The following PLPP5 variants were observed in gnomAD, a reference collection of about 807,000 sequenced individuals.
PLPP5 encodes diacylglycerol pyrophosphate like 1.
Under a neutral mutation model 23.6 loss-of-function variants are expected in PLPP5, and 29 were observed. The ratio of observed to expected loss-of-function variants is 1.23; its 90% CI spans 0.92 to 1.68. PLPP5 has a LOEUF of 1.68. Among genes scored for constraint, PLPP5 ranks in the 40% most tolerant of loss-of-function variants. The pLI is 0.00. For synonymous variants in PLPP5, 143 were observed against 131.3 expected, an observed-to-expected ratio of 1.09 and a Z score of -0.61; for missense variants, 315 against 332.1, an observed-to-expected ratio of 0.95 and a Z score of 0.40.
intron 5 of PLPP5, 65 bp from the exon 6 acceptor site, chr8:38,266,376 T>C: frequency 7.3e-7 from 1 of 1,361,570 alleles, no homozygotes; most frequent in Non-Finnish European, 1.0e-6. Context: ...CATCCCCACA[T>C]AGGAGGCTAG....
At position 38,268,352 on chromosome 8, in the gene PLPP5, C is replaced by T. The variant is rs1180291300; in HGVS notation, c.274+19G>A. On this transcript the variant is annotated intron_variant, in intron 3 of 6. Coordinates refer to ENST00000424479, the MANE Select transcript of PLPP5 (RefSeq NM_001102559.2). The stretch of plus-strand genomic sequence containing the variant: ...GGTTCCCAGCACGAAGAAACCGGCC[C>T]GAAAGGGCTAGCGCTCACCCAGGCA... The T allele has an allele frequency of 1.9e-6, 3 of 1,553,910 alleles. No individual in the cohort carries two copies. Among genetic ancestry groups the T allele is most frequent in the Non-Finnish European group, 1.7e-6 (2 of 1,148,070 alleles).
rs1383976582 is a variant in PLPP5 at position 38,263,398 on chromosome 8, T to C, written c.*1046A>G. The C allele has an allele frequency of 1.0e-6, 1 of 985,368 alleles. No homozygotes were observed. The highest frequency in any genetic ancestry group is 6.1e-5 in the Admixed American group (1 of 16,276). The allele number at this position is 985,368 out of a possible 1,614,324, so 61.0% of individuals were successfully genotyped here. ...AGTCACTTGGCAGTGTTGGTGCATT[T>C]GAGCAGATCTTCAGTCATGAATGGA... On this transcript the variant is annotated 3_prime_UTR_variant, in exon 7 of 7. Coordinates refer to ENST00000424479, the MANE Select transcript of PLPP5 (RefSeq NM_001102559.2).
At position 38,264,434 on chromosome 8, in the gene PLPP5, G is replaced by C. The variant is rs1474802085; in HGVS notation, c.*10C>G. 6.5e-7 allele frequency: 1 copy of C among 1,541,314 alleles called. No individual in the cohort carries two copies. The highest frequency in any genetic ancestry group is 1.4e-5 in the African/African-American group (1 of 72,852). ...AGGCATGAGCCACCACGCCCGGCCAGATTCAATTTTTAAATATCAAAACAA... is the reference window on the plus strand; with the variant it reads ...AGGCATGAGCCACCACGCCCGGCCACATTCAATTTTTAAATATCAAAACAA... On this transcript the variant is annotated 3_prime_UTR_variant, in exon 7 of 7. Transcript: ENST00000424479.
intron 2 of PLPP5, 118 bp downstream of exon 2, chr8:38,268,764 C>A: frequency 7.0e-7 from 1 of 1,437,648 alleles, no homozygotes; most frequent in Non-Finnish European, 9.1e-7. Context: ...GAACCCAGCG[C>A]ACAGCAGCGG....
At chr8:38,265,967 CTT>C (rs1807523052) in intron 6 of PLPP5, among the ~76,000 whole-genome samples, 172 bp downstream of exon 6, 1 of 152,092 alleles carries the variant, frequency 6.6e-6, no homozygotes, top group Non-Finnish European at 1.5e-5. Context: ...TTGGTAAACT[CTT>C]TTTGTCTTAT....
At chr8:38,268,114 T>G (rs1344261832) in intron 3 of PLPP5, 154 bp from the exon 4 acceptor site, 1 of 1,457,338 alleles carries the variant, frequency 6.9e-7, no homozygotes, top group East Asian at 2.5e-5. Context: ...ATCACTCTTT[T>G]GTAGCCGAGA....
chr8:38,266,375 A>G (rs1807590503), intron 5 of PLPP5, 64 bp from the exon 6 acceptor site: 3 of 1,393,390 alleles, frequency 2.2e-6, no homozygotes, highest in Non-Finnish European at 3.0e-6. Flanking sequence ...TCATCCCCAC[A>G]TAGGAGGCTA....
At position 38,265,203 on chromosome 8, in the gene PLPP5, T is replaced by C. The variant is rs1585797752; in HGVS notation, c.635-599A>G. On this transcript the variant is annotated intron_variant, in intron 6 of 6. Coordinates refer to ENST00000424479, the MANE Select transcript of PLPP5 (RefSeq NM_001102559.2). ...CTTGCTTGAACCCAGGAGGTGGAGG[T>C]TGCAGTGAGCCGAGATGGTGCCACT... The C allele has an allele frequency of 2.0e-5, 8 of 394,912 alleles. No individual in the cohort carries two copies. The East Asian group carries it at 3.4e-4, about 17-fold the overall frequency. The allele number at this position is 394,912 out of a possible 1,614,324, so 24.5% of individuals were successfully genotyped here.
At chr8:38,268,255 T>G in intron 3 of PLPP5, 116 bp downstream of exon 3, 1 of 1,107,394 alleles carries the variant, frequency 9.0e-7, no homozygotes, top group Non-Finnish European at 1.3e-6. Context: ...GGGGATAGAG[T>G]TCCTTTAGGA....
chr8:38,267,930 A>ACGCCATT lies in PLPP5; in HGVS notation c.298_304dup (p.Val102GlufsTer26). On this transcript the variant is annotated frameshift_variant, in exon 4 of 7. Transcript: ENST00000424479. LOFTEE classifies it high-confidence loss of function. Reference sequence around the variant, plus strand: ...GATCAGTTTTATTGTGTTGGTAAAGACGCCATTCAGAGCCAGGGCAAGGCT... The same window carrying ACGCCATT: ...GATCAGTTTTATTGTGTTGGTAAAGACGCCATTCGCCATTCAGAGCCAGGGCAAGGCT... 1 of 1,613,996 alleles carries ACGCCATT rather than the reference A, an allele frequency of 6.2e-7. No homozygotes were observed. The highest frequency in any genetic ancestry group is 8.5e-7 in the Non-Finnish European group (1 of 1,179,904).
intron 2 of PLPP5, 175 bp downstream of exon 2, chr8:38,268,707 C>T (rs1808136870): frequency 1.4e-6 from 2 of 1,432,604 alleles, no homozygotes; most frequent in African/African-American, 1.4e-5. Context: ...GGCTCGGACA[C>T]CCTCCTCTCT....
intron 2 of PLPP5, 103 bp downstream of exon 2, chr8:38,268,779 G>A: frequency 1.4e-6 from 2 of 1,441,320 alleles, no homozygotes; most frequent in Non-Finnish European, 1.8e-6. Flanking sequence ...CAGCGGAGTG[G>A]GCAGTGGGTC....
At position 38,269,119 on chromosome 8, in the gene PLPP5, T is replaced by A. The variant is rs931157068; in HGVS notation, c.74+7A>T. On this transcript the variant is annotated splice_region_variant and intron_variant, in intron 1 of 6. Transcript: ENST00000424479. ...GCCGCCCGGGCCCGGCCGTGGATCT[T>A]TCTTACAGGAAGGCCGCGAACAGCG... The A allele has an allele frequency of 2.0e-6, 3 of 1,524,482 alleles. No individual in the cohort carries two copies. Among genetic ancestry groups the A allele is most frequent in the Non-Finnish European group, 2.6e-6 (3 of 1,141,658 alleles). 94.4% of individuals were successfully genotyped at this position (1,524,482 alleles called of 1,614,324 possible).
chr8:38,267,701 G>T, intron 4 of PLPP5, 196 bp downstream of exon 4: 1 of 656,766 alleles, frequency 1.5e-6, no homozygotes, highest in Non-Finnish European at 2.6e-6. Flanking sequence ...ATGCTGTTCA[G>T]GCAGAAAAGA....
In PLPP5 at chr8:38,269,117, CTT is replaced by C. The variant is rs770861235; in HGVS notation, c.74+7_74+8del. 7 of 1,525,074 alleles carry C rather than the reference CTT, an allele frequency of 4.6e-6. No homozygotes were observed. In the South Asian group the frequency reaches 8.4e-5, roughly 18 times the overall value. The allele number at this position is 1,525,074 out of a possible 1,614,324, so 94.5% of individuals were successfully genotyped here. ...GGGCCGCCCGGGCCCGGCCGTGGAT[CTT>C]TCTTACAGGAAGGCCGCGAACAGCG... On this transcript the variant is annotated splice_region_variant and intron_variant, in intron 1 of 6. Coordinates refer to ENST00000424479, the MANE Select transcript of PLPP5 (RefSeq NM_001102559.2).
chr8:38,268,275 T>A, intron 3 of PLPP5, 96 bp downstream of exon 3: 1 of 1,190,740 alleles, frequency 8.4e-7, no homozygotes, highest in Non-Finnish European at 1.2e-6. Context: ...AATGCAGAAC[T>A]CAGTGGCCTC....
rs1188702769 is a variant in PLPP5, at chr8:38,264,548, ACTG to A, written c.688_690del (p.Gln230del). ...TCTGCATCAGTCAGAGGAGGATAAT[ACTG>A]CCGATAGCAGACATAGGCAAATGTC... On this transcript the variant is annotated inframe_deletion, in exon 7 of 7. Transcript: ENST00000424479. The A allele has an allele frequency of 6.3e-7, 1 of 1,577,844 alleles. No individual in the cohort carries two copies. The highest frequency in any genetic ancestry group is 8.6e-7 in the Non-Finnish European group (1 of 1,160,860).
chr8:38,263,603 AG>A lies in PLPP5; in HGVS notation c.*840del. On this transcript the variant is annotated 3_prime_UTR_variant, in exon 7 of 7. Coordinates refer to ENST00000424479, the MANE Select transcript of PLPP5 (RefSeq NM_001102559.2). ...ACAGCAGTACCAGATGGCTGGACTC[AG>A]ATAAGATGCACACAAAAGTGATAAA... 2.0e-6 allele frequency: 2 copies of A among 985,458 alleles called. No individual in the cohort carries two copies. The highest frequency in any genetic ancestry group is 2.4e-6 in the Non-Finnish European group (2 of 829,916). The allele number at this position is 985,458 out of a possible 1,614,324, so 61.0% of individuals were successfully genotyped here.
intron 5 of PLPP5, chr8:38,266,589 T>C (rs982002967): frequency 2.4e-5 from 7 of 292,636 alleles, no homozygotes; most frequent in Admixed American, 9.5e-5. Flanking sequence ...TTAGTAGAGT[T>C]GGGATTTCAC....
Sources: gnomAD v4.1 joint callset for allele counts (sites outside exome capture counted in the v4.1 genomes callset) on GRCh38, gnomAD v4.1.1 for gene constraint, MANE v1.5 for transcripts, NCBI Gene and HGNC (gene_info 2026-07-23, HGNC 2026-07-21) for gene names.